The following CSMD1 variants were observed in gnomAD, a reference collection of about 807,000 sequenced individuals.
CSMD1 encodes CUB and Sushi multiple domains 1.
A neutral mutation model predicts 417.5 loss-of-function variants in CSMD1; 213 were observed. The ratio of observed to expected loss-of-function variants is 0.51; its 90% confidence interval spans 0.46 to 0.57. The LOEUF (loss-of-function observed/expected upper bound fraction) is 0.57. CSMD1 is among the 20% of genes least tolerant of loss of function. The pLI is 0.00. For synonymous variants in CSMD1, 2,862 were observed against 1,736.8 expected (o/e 1.65, Z -16.11); for missense variants, 6,923 against 4,529.7 (o/e 1.53, Z -15.17).
At position 4,899,008 on chromosome 8, in the gene CSMD1, G is replaced by C. The variant is rs896940189; in HGVS notation, c.85+95324C>G. 4.6e-5 allele frequency among the ~76,000 whole-genome samples: 7 copies of C among 152,104 alleles called. No individual in the cohort carries two copies. In the South Asian group the frequency reaches 6.2e-4, roughly 14 times the overall value. ...TATCTACTTAAAAATAGAAAAGTGA[G>C]AGTTTTATGCTAAACACAATCGACT... On this transcript the variant is annotated intron_variant, in intron 1 of 69. Transcript: ENST00000635120.
intron 1 of CSMD1, among the ~76,000 whole-genome samples, chr8:4,934,868 A>G (rs1807503784): frequency 6.6e-6 from 1 of 152,124 alleles, no homozygotes; most frequent in African/African-American, 2.4e-5. Context: ...TAACTATACT[A>G]CATCAATCAT....
At position 3,073,592 on chromosome 8, in the gene CSMD1, T is replaced by C. The variant is rs528498093; in HGVS notation, c.7474+13505A>G. ...AAAATAAATCAATTTTAACAGAAAA[T>C]AGAGAGGACTTTTCTAGGCCACAGT... On this transcript the variant is annotated intron_variant, in intron 49 of 69. Transcript: ENST00000635120. Among the ~76,000 whole-genome samples, 13 of 152,068 alleles carry C rather than the reference T, an allele frequency of 8.5e-5. No individual in the cohort carries two copies. The South Asian group carries it at 2.5e-3, about 29-fold the overall frequency.
chr8:4,332,416 T>C (rs913830127), intron 3 of CSMD1, among the ~76,000 whole-genome samples: 3 of 152,136 alleles, frequency 2.0e-5, no homozygotes, highest in Admixed American at 6.6e-5. Flanking sequence ...AAATTCTTTC[T>C]AGGCACCTGT....
chr8:4,173,052 T>TGC (rs1797854215), intron 3 of CSMD1, among the ~76,000 whole-genome samples: 1 of 152,182 alleles, frequency 6.6e-6, no homozygotes, highest in Admixed American at 6.5e-5. Flanking sequence ...AGAAATTTCC[T>TGC]GCCCAGCAAT....
chr8:4,363,204 G>C (rs964950884), intron 3 of CSMD1, among the ~76,000 whole-genome samples: 5 of 152,108 alleles, frequency 3.3e-5, no homozygotes, highest in African/African-American at 1.2e-4. Flanking sequence ...TTTTGTATTT[G>C]GTGGATCTTC....
intron 3 of CSMD1, among the ~76,000 whole-genome samples, chr8:4,099,675 T>TACAA (rs1367052198): frequency 6.6e-6 from 1 of 152,106 alleles, no homozygotes; most frequent in Admixed American, 6.6e-5. Context: ...CTTATTTAAA[T>TACAA]ACAAACAAAC....
intron 3 of CSMD1, among the ~76,000 whole-genome samples, chr8:4,416,855 C>G (rs1796969588): frequency 6.6e-6 from 1 of 151,904 alleles, no homozygotes; most frequent in Non-Finnish European, 1.5e-5. Flanking sequence ...AAAGAAGAAA[C>G]ATTACACAAA....
chr8:4,104,035 G>A (rs1391932133), intron 3 of CSMD1, among the ~76,000 whole-genome samples: 1 of 152,172 alleles, frequency 6.6e-6, no homozygotes, highest in Non-Finnish European at 1.5e-5. Flanking sequence ...GCCCCAGCCT[G>A]GCCCTTCTGG....
chr8:4,686,819 G>C (rs75234842), intron 1 of CSMD1, among the ~76,000 whole-genome samples: 29 of 152,320 alleles, frequency 1.9e-4, no homozygotes, highest in African/African-American at 5.3e-4. Context: ...AACCATGAAA[G>C]CCTCAAGATG....
At chr8:3,145,546 A>C (rs1335497445) in intron 40 of CSMD1, among the ~76,000 whole-genome samples, 1 of 152,180 alleles carries the variant, frequency 6.6e-6, no homozygotes, top group Non-Finnish European at 1.5e-5. Context: ...GACAATTATA[A>C]TATTGTGAGC....
At chr8:4,359,903 C>G (rs13251752) in intron 3 of CSMD1, among the ~76,000 whole-genome samples, 39,030 of 152,092 alleles carry the variant, frequency 0.26, 5,411 homozygotes, top group African/African-American at 0.35. Context: ...ACCTTTTAAC[C>G]ACAGTTTAAA....
intron 10 of CSMD1, among the ~76,000 whole-genome samples, chr8:3,499,055 T>C (rs1284071019): frequency 6.6e-6 from 1 of 152,232 alleles, no homozygotes; most frequent in Non-Finnish European, 1.5e-5. Context: ...GTCATGTTTC[T>C]TGCTTTTTAG....
chr8:3,874,542 C>A (rs765270395), intron 5 of CSMD1, among the ~76,000 whole-genome samples: 2 of 152,186 alleles, frequency 1.3e-5, no homozygotes, highest in Non-Finnish European at 2.9e-5. Flanking sequence ...GACATACAAG[C>A]AGCATCTTAG....
intron 3 of CSMD1, among the ~76,000 whole-genome samples, chr8:4,365,928 T>C (rs1179991700): frequency 1.3e-5 from 2 of 152,214 alleles, no homozygotes; most frequent in East Asian, 1.9e-4. Context: ...ATTTTTTTCT[T>C]TTTTGAAAAT....
intron 4 of CSMD1, among the ~76,000 whole-genome samples, chr8:4,019,902 G>C (rs1002232706): frequency 7.6e-6 from 1 of 132,340 alleles, no homozygotes; most frequent in Non-Finnish European, 1.6e-5. Context: ...CTAAAGAATA[G>C]CAGTAATTCA....
chr8:3,429,137 C>G (rs989749044), intron 12 of CSMD1, among the ~76,000 whole-genome samples: 1 of 152,080 alleles, frequency 6.6e-6, no homozygotes, highest in African/African-American at 2.4e-5. Flanking sequence ...GGTGATTACA[C>G]TTAACAATAT....
At chr8:3,347,363 T>C (rs1213733438) in intron 22 of CSMD1, among the ~76,000 whole-genome samples, 1 of 152,216 alleles carries the variant, frequency 6.6e-6, no homozygotes, top group East Asian at 1.9e-4. Flanking sequence ...GCATTTCTAG[T>C]TGGAGCTGGG....
chr8:4,528,701 A>T (rs997776466), intron 2 of CSMD1, among the ~76,000 whole-genome samples: 1 of 152,134 alleles, frequency 6.6e-6, no homozygotes, highest in Non-Finnish European at 1.5e-5. Context: ...GTATATATTA[A>T]TTATGTACAG....
chr8:3,063,562 A>T (rs1812731905), intron 49 of CSMD1, among the ~76,000 whole-genome samples: 1 of 152,212 alleles, frequency 6.6e-6, no homozygotes, highest in African/African-American at 2.4e-5. Flanking sequence ...CACAATAGCT[A>T]AAATATGAAA....
Sources: allele counts gnomAD v4.1 joint callset (sites outside exome capture counted in the v4.1 genomes callset), GRCh38; gene constraint gnomAD v4.1.1; transcripts MANE v1.5; gene names NCBI Gene and HGNC (gene_info 2026-07-23, HGNC 2026-07-21).